Variants in HDAC9 observed in about 807,000 individuals in gnomAD.
HDAC9 encodes histone deacetylase 9, also known as MEF-2 interacting transcription repressor (MITR) protein.
In HDAC9, 41 loss-of-function variants were observed where a neutral mutation model predicts 139.4. That is an observed-to-expected ratio of 0.29 (90% confidence interval 0.23 to 0.38). The LOEUF is 0.38. Among genes scored for constraint, HDAC9 ranks in the 10% least tolerant of loss-of-function variants. HDAC9 has a pLI of 1.00. For synonymous variants in HDAC9, 517 were observed against 476.2 expected, an observed-to-expected ratio of 1.09 and a Z score of -1.12; for missense variants, 1,147 against 1,297.0, an observed-to-expected ratio of 0.88 and a Z score of 1.78.
At chr7:18,806,463 T>C (rs1400463109) in intron 17 of HDAC9, among the ~76,000 whole-genome samples, 2 of 152,160 alleles carry the variant, frequency 1.3e-5, no homozygotes, top group East Asian at 1.9e-4. Flanking sequence ...ACTCTCCCCA[T>C]TCTTTGTACC....
intron 1 of HDAC9, among the ~76,000 whole-genome samples, chr7:18,414,534 A>T (rs1300795571): frequency 3.3e-5 from 5 of 152,162 alleles, no homozygotes; most frequent in Non-Finnish European, 7.4e-5. Flanking sequence ...GTATTTAGTT[A>T]TATTTGCTGT....
chr7:18,370,464 A>G (rs1784510735), intron 1 of HDAC9, among the ~76,000 whole-genome samples: 1 of 152,170 alleles, frequency 6.6e-6, no homozygotes, highest in South Asian at 2.1e-4. Context: ...CTTCTAGATC[A>G]GAGAAGTCCA....
At chr7:18,581,437 T>G (rs1321963046) in intron 2 of HDAC9, among the ~76,000 whole-genome samples, 1 of 152,176 alleles carries the variant, frequency 6.6e-6, no homozygotes, top group Non-Finnish European at 1.5e-5. Flanking sequence ...GAAGTCAAAT[T>G]ACCCTTTGAG....
At chr7:18,276,891 T>C (rs552821358) in intron 2 of HDAC9, among the ~76,000 whole-genome samples, 1 of 152,196 alleles carries the variant, frequency 6.6e-6, no homozygotes, top group Non-Finnish European at 1.5e-5. Flanking sequence ...CAAAAATGGC[T>C]TCTTTGTCTT....
Position 18,362,517 on chromosome 7 carries a change from G to A in HDAC9, c.-42+72002G>A, listed in dbSNP as rs536469354. 5.9e-5 allele frequency among the ~76,000 whole-genome samples: 9 copies of A among 152,186 alleles called. No homozygotes were observed. In the East Asian group the frequency reaches 1.7e-3, roughly 29 times the overall value. On this transcript the variant is annotated intron_variant, in intron 1 of 3. Coordinates refer to the HDAC9 transcript ENST00000413509. The stretch of plus-strand genomic sequence containing the variant: ...ATTATAAAAAATAAATAGGTATATG[G>A]TATACAGTTCTAAATAGCTTGGAAT...
At chr7:18,569,329 T>C (rs955540801) in intron 2 of HDAC9, among the ~76,000 whole-genome samples, 7 of 152,178 alleles carry the variant, frequency 4.6e-5, no homozygotes, top group Non-Finnish European at 2.9e-5. Context: ...AAAATTGTTT[T>C]CCCAACCATT....
chr7:18,196,449 T>G (rs1410288952), intron 2 of HDAC9, among the ~76,000 whole-genome samples: 1 of 152,144 alleles, frequency 6.6e-6, no homozygotes, highest in Non-Finnish European at 1.5e-5. Flanking sequence ...AAGAAGAATG[T>G]ACAGTGCTTT....
chr7:18,732,298 A>G (rs1315616186), intron 13 of HDAC9, among the ~76,000 whole-genome samples: 1 of 152,132 alleles, frequency 6.6e-6, no homozygotes, highest in African/African-American at 2.4e-5. Context: ...TTATTCTCCC[A>G]CTCAGAGGTA....
intron 1 of HDAC9, among the ~76,000 whole-genome samples, chr7:18,449,605 A>T (rs1345957202): frequency 6.6e-6 from 1 of 152,140 alleles, no homozygotes; most frequent in African/African-American, 2.4e-5. Context: ...TTCAGGATGT[A>T]TGTAGCACTG....
intron 1 of HDAC9, among the ~76,000 whole-genome samples, chr7:18,469,459 C>G (rs1459375992): frequency 6.6e-6 from 1 of 151,902 alleles, no homozygotes; most frequent in East Asian, 1.9e-4. Flanking sequence ...GTTGACCTTG[C>G]AAAACTCACA....
At chr7:18,924,396 C>G (rs1454884215) in intron 22 of HDAC9, among the ~76,000 whole-genome samples, 1 of 151,980 alleles carries the variant, frequency 6.6e-6, no homozygotes, top group East Asian at 1.9e-4. Context: ...TAAATGGTTG[C>G]TTGTAACTTA....
At chr7:18,372,760 C>CT (rs144673469) in intron 1 of HDAC9, among the ~76,000 whole-genome samples, 5,840 of 152,190 alleles carry the variant, frequency 0.038, 232 homozygotes, top group East Asian at 0.18. Context: ...TTCTGGCAGA[C>CT]TTGGTTGTGT....
chr7:18,579,735 G>C (rs1238596596), intron 2 of HDAC9, among the ~76,000 whole-genome samples: 1 of 152,046 alleles, frequency 6.6e-6, no homozygotes, highest in Non-Finnish European at 1.5e-5. Context: ...TTTTTCAGTG[G>C]AAAACTTAAC....
intron 1 of HDAC9, among the ~76,000 whole-genome samples, chr7:18,332,601 C>T (rs1801014641): frequency 6.6e-6 from 1 of 151,490 alleles, no homozygotes; most frequent in Non-Finnish European, 1.5e-5. Context: ...GCACCTGGCT[C>T]CTCTATATTA....
chr7:18,549,227 A>G (rs956141015), intron 2 of HDAC9, among the ~76,000 whole-genome samples: 9 of 152,096 alleles, frequency 5.9e-5, no homozygotes, highest in Non-Finnish European at 1.3e-4. Context: ...ACAGAGCAAG[A>G]CTCTGTCTGA....
intron 19 of HDAC9, among the ~76,000 whole-genome samples, chr7:18,833,560 T>C (rs1037573614): frequency 6.6e-6 from 1 of 152,234 alleles, no homozygotes; most frequent in Non-Finnish European, 1.5e-5. Context: ...ATTGTGGCTT[T>C]AATTGTTTCA....
At chr7:18,128,911 C>CTTTCCTT (rs1784839053) in intron 1 of HDAC9, among the ~76,000 whole-genome samples, 1 of 151,988 alleles carries the variant, frequency 6.6e-6, no homozygotes, top group South Asian at 2.1e-4. Context: ...TTTCTTGCCA[C>CTTTCCTT]TCTAACAGGC....
chr7:18,564,812 C>T (rs948322350), intron 2 of HDAC9, among the ~76,000 whole-genome samples: 1 of 151,946 alleles, frequency 6.6e-6, no homozygotes, highest in African/African-American at 2.4e-5. Flanking sequence ...GAAGCAATGT[C>T]TTTAGAATGT....
At chr7:18,823,454 C>T (rs553793323) in intron 17 of HDAC9, among the ~76,000 whole-genome samples, 17 of 152,148 alleles carry the variant, frequency 1.1e-4, no homozygotes, top group South Asian at 4.2e-4. Context: ...TGCTTAGGTG[C>T]GGGGACAGAG....
Sources: gnomAD v4.1 joint callset for allele counts (sites outside exome capture counted in the v4.1 genomes callset) on GRCh38, gnomAD v4.1.1 for gene constraint, MANE v1.5 for transcripts, NCBI Gene and HGNC (gene_info 2026-07-23, HGNC 2026-07-21) for gene names.